The following PARP9 variants were observed in gnomAD, a reference collection of about 807,000 sequenced individuals.
PARP9 encodes the protein poly(ADP-ribose) polymerase family member 9, also known as protein mono-ADP-ribosyltransferase PARP9.
PARP9 carries 48 observed loss-of-function variants against 68.8 expected under a neutral mutation model. The observed-to-expected ratio is 0.70, with a 90% CI of 0.55 to 0.89. PARP9 has a LOEUF of 0.89. Among genes scored for constraint, PARP9 ranks in the 40% least tolerant of loss-of-function variants. PARP9 has a pLI of 0.00. For synonymous variants in PARP9, 309 were observed against 333.8 expected, an observed-to-expected ratio of 0.93 and a Z score of 0.81; for missense variants, 806 against 969.3, an observed-to-expected ratio of 0.83 and a Z score of 2.24.
chr3:122,536,444 C>G (rs534359471), intron 9 of PARP9, 102 bp from the exon 10 acceptor site: 216 of 1,493,812 alleles, frequency 1.4e-4, no homozygotes, highest in Middle Eastern at 1.9e-4. Flanking sequence ...GTGCATAATA[C>G]TACTTTGCAT....
chr3:122,552,377 G>T, intron 5 of PARP9, 41 bp downstream of exon 5: 1 of 1,408,958 alleles, frequency 7.1e-7, no homozygotes, highest in Non-Finnish European at 1.0e-6. Flanking sequence ...AGACTGTATA[G>T]ACTATGGAGC....
rs1360583199 is a variant in PARP9 at position 122,528,422 on chromosome 3, A to G, written c.2402T>C (p.Met801Thr). The G allele has an allele frequency of 1.9e-6, 3 of 1,614,000 alleles. No individual in the cohort carries two copies. The highest frequency in any genetic ancestry group is 1.3e-5 in the African/African-American group (1 of 75,060). The change falls in exon 11 of 11, where the codon ATG (methionine) becomes ACG (threonine). Residue 801 changes from methionine to threonine, a missense_variant. Coordinates refer to ENST00000682323, the MANE Select transcript of PARP9 (RefSeq NM_001146105.2). ...CCAAGGATGCTGTGCAAAGGGTCTC[A>G]TTGGTCCTGATGAGTAATCTTGTGA... ...VQSQDYSSGP[M>T]RPFAQHPWRG... is the part of the protein sequence containing the mutation.
At chr3:122,533,209 G>A (rs1287301246) in intron 10 of PARP9, 1 of 152,206 alleles carries the variant, frequency 6.6e-6, no homozygotes, top group Non-Finnish European at 1.5e-5. Context: ...AAGGGTGAGG[G>A]AAAAGGAGGA....
chr3:122,529,640 G>C (rs927979960), intron 10 of PARP9, among the ~76,000 whole-genome samples: 1 of 151,862 alleles, frequency 6.6e-6, no homozygotes, highest in African/African-American at 2.4e-5. Context: ...TGTAGTCCCA[G>C]CTACTCCGGG....
intron 1 of PARP9, among the ~76,000 whole-genome samples, chr3:122,560,815 C>G (rs189734523): frequency 6.6e-6 from 1 of 152,294 alleles, no homozygotes; most frequent in Admixed American, 6.5e-5. Flanking sequence ...AATGCAAAGA[C>G]AAGATGCATT....
At chr3:122,531,682 G>A (rs2077315896) in intron 10 of PARP9, 1 of 152,052 alleles carries the variant, frequency 6.6e-6, no homozygotes, top group South Asian at 2.1e-4. Flanking sequence ...AAGAGAGTAT[G>A]GTCTTGAAAT....
chr3:122,546,696 G>A (rs2078724582), intron 6 of PARP9, among the ~76,000 whole-genome samples: 1 of 152,020 alleles, frequency 6.6e-6, no homozygotes, highest in Non-Finnish European at 1.5e-5. Flanking sequence ...AAATTACTGT[G>A]TAAAATAATC....
intron 1 of PARP9, among the ~76,000 whole-genome samples, chr3:122,562,384 G>T (rs2080312940): frequency 6.6e-6 from 1 of 150,398 alleles, no homozygotes; most frequent in African/African-American, 2.5e-5. Flanking sequence ...TAGTAGAGAC[G>T]GGGTTTCACC....
At chr3:122,550,332 G>A (rs760924212) in intron 6 of PARP9, among the ~76,000 whole-genome samples, 3 of 152,158 alleles carry the variant, frequency 2.0e-5, no homozygotes, top group Admixed American at 6.5e-5. Flanking sequence ...GCCTGCCTCC[G>A]CCTCCCAGAG....
At chr3:122,536,083 A>G in intron 10 of PARP9, 85 bp downstream of exon 10, 1 of 1,605,832 alleles carries the variant, frequency 6.2e-7, no homozygotes, top group South Asian at 1.1e-5. Context: ...CCCCACAACA[A>G]CAAATGCTAT....
intron 8 of PARP9, 38 bp from the exon 9 acceptor site, chr3:122,537,111 C>T: frequency 1.9e-6 from 3 of 1,555,982 alleles, no homozygotes; most frequent in Non-Finnish European, 2.6e-6. Context: ...CTTCAATGCT[C>T]TGAGAGAGGA....
intron 10 of PARP9, 41 bp from the exon 11 acceptor site, chr3:122,528,784 T>C: frequency 3.4e-6 from 5 of 1,476,912 alleles, no homozygotes; most frequent in Non-Finnish European, 4.5e-6. Flanking sequence ...TATTATAATC[T>C]GGTAAATGAT....
At chr3:122,563,509 CT>C (rs1343908800) in intron 1 of PARP9, among the ~76,000 whole-genome samples, 1 of 152,140 alleles carries the variant, frequency 6.6e-6, no homozygotes, top group Non-Finnish European at 1.5e-5. Flanking sequence ...TCATCTGTTT[CT>C]TTATCCTTTA....
At chr3:122,545,554 C>T (rs1284563121) in intron 6 of PARP9, 65 bp from the exon 7 acceptor site, 1 of 1,474,296 alleles carries the variant, frequency 6.8e-7, no homozygotes, top group Non-Finnish European at 9.5e-7. Context: ...ATCAAAGTCT[C>T]CCTCTCTGCA....
At chr3:122,556,721 C>T (rs1433710427) in intron 3 of PARP9, among the ~76,000 whole-genome samples, 1 of 152,092 alleles carries the variant, frequency 6.6e-6, no homozygotes, top group Non-Finnish European at 1.5e-5. Context: ...TGTAACTAGG[C>T]AGATGGAACT....
chr3:122,557,604 G>A (rs2079811598), intron 3 of PARP9, among the ~76,000 whole-genome samples: 1 of 152,168 alleles, frequency 6.6e-6, no homozygotes, highest in South Asian at 2.1e-4. Context: ...GGCCATTCAT[G>A]CCCAACGTGG....
intron 7 of PARP9, among the ~76,000 whole-genome samples, chr3:122,543,115 T>C (rs927689952): frequency 2.6e-5 from 4 of 151,872 alleles, no homozygotes; most frequent in African/African-American, 9.7e-5. Context: ...TTCACCATGT[T>C]GGCCAAACTG....
At chr3:122,564,331 C>A, upstream of PARP9, 1 of 1,397,466 alleles carries the variant, frequency 7.2e-7, no homozygotes, top group Non-Finnish European at 9.6e-7. Flanking sequence ...TCCAGGGAAG[C>A]GAAACTGAAA....
chr3:122,560,188 A>C (rs1254910606), intron 1 of PARP9, among the ~76,000 whole-genome samples: 1 of 152,170 alleles, frequency 6.6e-6, no homozygotes, highest in Non-Finnish European at 1.5e-5. Flanking sequence ...TGTGATAAAC[A>C]TCCTTGACCT....
Sources: gnomAD v4.1 joint callset for allele counts (sites outside exome capture counted in the v4.1 genomes callset) on GRCh38, gnomAD v4.1.1 for gene constraint, MANE v1.5 for transcripts, NCBI Gene and HGNC (gene_info 2026-07-23, HGNC 2026-07-21) for gene names.